LARP4B: variants seen among roughly 807,000 people sequenced by gnomAD.
The protein encoded by LARP4B is la-related protein 4B.
In LARP4B, 12 loss-of-function variants were observed where a neutral mutation model predicts 89.8. The observed-to-expected ratio is 0.13, with a 90% CI of 0.09 to 0.22. The LOEUF is 0.22. Ranked by LOEUF, LARP4B falls within the 10% of genes least tolerant of loss-of-function variation. LARP4B has a pLI of 1.00. For synonymous variants in LARP4B, 367 were observed against 363.3 expected (o/e 1.01, Z -0.12); for missense variants, 757 against 947.7 (o/e 0.80, Z 2.64).
At chr10:967,391 T>TTC in the LARP4B span, among the ~76,000 whole-genome samples, 1 of 152,040 alleles carries the variant, frequency 6.6e-6, no homozygotes, top group African/African-American at 2.4e-5. Flanking sequence ...AATTAAACTA[T>TTC]GAGAGCAAAA....
intron 3 of LARP4B, among the ~76,000 whole-genome samples, chr10:874,382 A>G (rs1362056823): frequency 6.6e-6 from 1 of 152,208 alleles, no homozygotes; most frequent in Non-Finnish European, 1.5e-5. Flanking sequence ...GGAACAAGAA[A>G]AAAAAGGGAA....
intron 5 of LARP4B, among the ~76,000 whole-genome samples, chr10:849,048 C>G (rs534184454): frequency 4.6e-5 from 7 of 152,248 alleles, no homozygotes; most frequent in African/African-American, 1.4e-4. Context: ...ATGCTGTGCT[C>G]TATGTGAAGC....
intron 11 of LARP4B, among the ~76,000 whole-genome samples, chr10:827,058 A>G (rs559307370): frequency 2.4e-4 from 37 of 152,258 alleles, no homozygotes; most frequent in Admixed American, 9.8e-4. Flanking sequence ...GGCGGATCAA[A>G]AGGTCAGGAG....
In LARP4B at chr10:809,714, C is replaced by G. The variant is rs74115581; in HGVS notation, c.*3212G>C. The G allele has an allele frequency of 6.5e-6, 1 of 152,698 alleles. No individual in the cohort carries two copies. Among genetic ancestry groups the G allele is most frequent in the African/African-American group, 2.4e-5 (1 of 41,470 alleles). The allele number at this position is 152,698 out of a possible 1,614,324, so 9.5% of individuals were successfully genotyped here. On this transcript the variant is annotated 3_prime_UTR_variant, in exon 18 of 18. Transcript: ENST00000316157. ...AAACCCTCGAGGAGCGACCACATGACCCCCGCGCTGTGAGCTGCTGGCGGC... is the reference window on the plus strand; with the variant it reads ...AAACCCTCGAGGAGCGACCACATGAGCCCCGCGCTGTGAGCTGCTGGCGGC...
chr10:878,244 A>G (rs1325865516), intron 3 of LARP4B, among the ~76,000 whole-genome samples: 4 of 152,150 alleles, frequency 2.6e-5, no homozygotes, highest in Non-Finnish European at 5.9e-5. Context: ...TGAGCACAGG[A>G]GTGGCAGGTT....
At chr10:985,973 G>T in the LARP4B span, 30 of 152,338 alleles carry the variant, frequency 2.0e-4, no homozygotes, top group Admixed American at 1.4e-3. Flanking sequence ...CATGTGACTC[G>T]TTCTGAATGA....
intron 12 of LARP4B, 33 bp downstream of exon 12, chr10:825,731 G>A (rs1832585060): frequency 6.8e-7 from 1 of 1,478,030 alleles, no homozygotes; most frequent in Non-Finnish European, 9.4e-7. Flanking sequence ...GTAGCGTAAA[G>A]ACCAAAACTG....
chr10:956,431 T>C, the LARP4B span, among the ~76,000 whole-genome samples: 384 of 151,960 alleles, frequency 2.5e-3, 1 homozygote, highest in African/African-American at 7.6e-3. This position sits in a 1 kb window ranked among gnomAD's most constrained non-coding sequence, Gnocchi z 4.3. Flanking sequence ...CTGCAAGGTC[T>C]GCCTCCCGGG....
Position 863,848 on chromosome 10 carries a change from C to T in LARP4B, c.325G>A (p.Glu109Lys). The change falls in exon 5 of 18, where the codon GAG (glutamate) becomes AAG (lysine). Residue 109 changes from glutamate to lysine, a missense_variant. By Grantham distance (56) the Glu-to-Lys change is moderately conservative. Transcript: ENST00000316157. ...DANGDGDQGH[E>K]NAALPDPQES... Reference sequence around the variant, plus strand: ...TGCGGGTCTGGCAATGCGGCATTCTCATGGCCCTGGTCACCATCACCATTG... The same window carrying T: ...TGCGGGTCTGGCAATGCGGCATTCTTATGGCCCTGGTCACCATCACCATTG... 6.2e-7 allele frequency: 1 copy of T among 1,614,100 alleles called. No homozygotes were observed. The highest frequency in any genetic ancestry group is 8.5e-7 in the Non-Finnish European group (1 of 1,180,014).
chr10:860,111 C>T (rs139659664), intron 5 of LARP4B, among the ~76,000 whole-genome samples: 2,851 of 84,210 alleles, frequency 0.034, 56 homozygotes, highest in Admixed American at 0.12. Flanking sequence ...TGAAGAAGGC[C>T]ATGCATGTGT....
chr10:878,858 G>C (rs949982233), intron 3 of LARP4B, among the ~76,000 whole-genome samples: 6 of 152,034 alleles, frequency 3.9e-5, no homozygotes, highest in African/African-American at 1.4e-4. Flanking sequence ...AAATGAAAAA[G>C]AGTTTGCAAA....
the LARP4B span, chr10:988,335 G>C: frequency 1.5e-6 from 1 of 680,316 alleles, no homozygotes; most frequent in Non-Finnish European, 2.6e-6. Flanking sequence ...TGTGCGACGC[G>C]GAAAGCGCCG....
intron 8 of LARP4B, among the ~76,000 whole-genome samples, chr10:831,799 T>C (rs1250544690): frequency 6.6e-6 from 1 of 152,154 alleles, no homozygotes; most frequent in Non-Finnish European, 1.5e-5. Context: ...TCAAGAATAT[T>C]TATTAGAATA....
At chr10:938,234 C>G in the LARP4B span, among the ~76,000 whole-genome samples, 1 of 140,214 alleles carries the variant, frequency 7.1e-6, no homozygotes, top group Non-Finnish European at 1.6e-5. Context: ...GGCTAAATTT[C>G]TTGAATTGGT....
At chr10:961,690 T>C in the LARP4B span, among the ~76,000 whole-genome samples, 1 of 152,116 alleles carries the variant, frequency 6.6e-6, no homozygotes, top group Non-Finnish European at 1.5e-5. Flanking sequence ...TGTACAGAGA[T>C]GATGTGGCCA....
chr10:843,213 CTG>C lies in LARP4B; in HGVS notation c.510-147_510-146del, dbSNP rs1304197645. On this transcript the variant is annotated intron_variant, in intron 6 of 17. Coordinates refer to ENST00000316157, the MANE Select transcript of LARP4B (RefSeq NM_015155.3). The stretch of plus-strand genomic sequence containing the variant: ...CAGCCCAGGACCCATCTGTTATTTG[CTG>C]TCTCTCCAGCCTCAGGTACATTTTT... 28 of 753,020 alleles carry C rather than the reference CTG, an allele frequency of 3.7e-5. No homozygotes were observed. In the African/African-American group the frequency reaches 4.1e-4, roughly 11 times the overall value. 46.6% of individuals were successfully genotyped at this position (753,020 alleles called of 1,614,324 possible).
At chr10:927,955 G>C (rs1301210637) in intron 1 of LARP4B, among the ~76,000 whole-genome samples, 2 of 152,128 alleles carry the variant, frequency 1.3e-5, no homozygotes, top group African/African-American at 4.8e-5. Flanking sequence ...GCTCACGCCT[G>C]CAATCCCAGC....
At chr10:903,561 G>C (rs913765198) in intron 1 of LARP4B, 1 of 152,190 alleles carries the variant, frequency 6.6e-6, no homozygotes, top group Admixed American at 6.5e-5. Context: ...AAACGTAGTA[G>C]CATGGGCATA....
the LARP4B span, among the ~76,000 whole-genome samples, chr10:938,429 T>G: frequency 8.9e-4 from 136 of 151,972 alleles, no homozygotes; most frequent in Middle Eastern, 0.014. Flanking sequence ...TTTTGTTGTA[T>G]TTTTTAGTAA....
Sources: allele counts gnomAD v4.1 joint callset (sites outside exome capture counted in the v4.1 genomes callset), GRCh38; gene constraint gnomAD v4.1.1; non-coding constraint Gnocchi (gnomAD v3.1); transcripts MANE v1.5; gene names NCBI Gene and HGNC (gene_info 2026-07-23, HGNC 2026-07-21).